The following TMEM221 variants were observed in gnomAD, a reference collection of about 807,000 sequenced individuals.
TMEM221 encodes the protein transmembrane protein 221, also known as Putative transmembrane protein ENSP00000342162.
A neutral mutation model predicts 10.2 loss-of-function variants in TMEM221; 11 were observed. That is an observed-to-expected ratio of 1.08 (90% CI 0.68 to 1.79). The LOEUF (loss-of-function observed/expected upper bound fraction) is 1.79, where lower values mean the gene tolerates loss of function less well. Among genes scored for constraint, TMEM221 ranks in the 40% most tolerant of loss-of-function variants. The probability of loss-of-function intolerance (pLI) is 0.00; values close to 1 mark genes in which losing one functional copy is unlikely to be tolerated. For synonymous variants in TMEM221, 172 were observed against 199.8 expected (o/e 0.86, Z 1.18); for missense variants, 382 against 417.7 (o/e 0.91, Z 0.75).
Position 17,448,584 on chromosome 19 carries a change from T to C in TMEM221, c.-122A>G. On this transcript the variant is annotated 5_prime_UTR_variant, in exon 1 of 3. Coordinates refer to ENST00000341130, the MANE Select transcript of TMEM221 (RefSeq NM_001190844.2). The surrounding 1 kb of genome is among the most constrained non-coding windows in gnomAD (Gnocchi z 4.7). ...CCCGAGGGGGCGGGGCCGCAGGGAG[T>C]GTCTGAAAGTTCGGGGACTGGGCTG... The C allele has an allele frequency of 7.4e-6, 5 of 673,052 alleles. No individual in the cohort carries two copies. The highest frequency in any genetic ancestry group is 1.0e-5 in the Non-Finnish European group (5 of 477,346). The allele number at this position is 673,052 out of a possible 1,614,324, so 41.7% of individuals were successfully genotyped here.
Position 17,448,244 on chromosome 19 carries a change from C to A in TMEM221, c.219G>T (p.Ala73=). Residue 73 remains alanine, a synonymous_variant, in exon 1 of 3, where the codon GCG becomes GCT. Coordinates refer to ENST00000341130, the MANE Select transcript of TMEM221 (RefSeq NM_001190844.2). This position sits in a 1 kb window ranked among gnomAD's most constrained non-coding sequence, Gnocchi z 4.7. ...AAGTLLPLAA[A]LAALVLVLGF... is the part of the protein sequence containing the mutation. ...CCAGCACGAGCACCAGCGCGGCCAG[C>A]GCGGCGGCCAGCGGCAGCAGCGTCC... 4 of 1,302,074 alleles carry A rather than the reference C, an allele frequency of 3.1e-6. No homozygotes were observed. The highest frequency in any genetic ancestry group is 2.2e-5 in the South Asian group (1 of 46,382). The allele number at this position is 1,302,074 out of a possible 1,614,324, so 80.7% of individuals were successfully genotyped here. A position where few individuals can be genotyped will look rare whatever the true frequency, so the allele number is the denominator to read the frequency against.
Position 17,436,576 on chromosome 19 carries a change from G to A in TMEM221, c.758C>T (p.Ser253Phe), listed in dbSNP as rs2074909544. The A allele has an allele frequency of 2.0e-6, 3 of 1,536,092 alleles. No individual in the cohort carries two copies. Among genetic ancestry groups the A allele is most frequent in the Admixed American group, 3.9e-5 (2 of 50,982 alleles). The change falls in exon 3 of 3, where the codon TCC (serine) becomes TTC (phenylalanine). Residue 253 changes from serine to phenylalanine, a missense_variant. Coordinates refer to ENST00000341130, the MANE Select transcript of TMEM221 (RefSeq NM_001190844.2). ...AGCCGACAGTGTCCGGTGCATTCTG[G>A]ATGCAGGCAGGCTGCTCTCCCAGCC... ...EGGWESSLPA[S>F]RMHRTLSAGL...
chr19:17,439,035 A>G (rs1043029746), intron 2 of TMEM221, among the ~76,000 whole-genome samples: 4 of 151,462 alleles, frequency 2.6e-5, no homozygotes, highest in African/African-American at 9.7e-5. Context: ...GTGAAACCTC[A>G]TCTCTGCTAA....
At position 17,448,646 on chromosome 19, in the gene TMEM221, T is replaced by G; in HGVS notation, c.-184A>C. 1 of 390,736 alleles carries G rather than the reference T, an allele frequency of 2.6e-6. No individual in the cohort carries two copies. Among genetic ancestry groups the G allele is most frequent in the Non-Finnish European group, 4.5e-6 (1 of 223,014 alleles). 24.2% of individuals were successfully genotyped at this position (390,736 alleles called of 1,614,324 possible). A position where few individuals can be genotyped will look rare whatever the true frequency, so the allele number is the denominator to read the frequency against. On this transcript the variant is annotated 5_prime_UTR_variant, in exon 1 of 3. Coordinates refer to ENST00000341130, the MANE Select transcript of TMEM221 (RefSeq NM_001190844.2). The surrounding 1 kb of genome is among the most constrained non-coding windows in gnomAD (Gnocchi z 4.7). ...ACGGACGGGGGCTCCGGGGTGCTGG[T>G]CGCAGCCGGGACGCCGAATCTCCGC...
rs1251608085 is a variant in TMEM221, at chr19:17,435,864, C to T, written c.*594G>A. ...CCTGGGCTGCTCCAAGCTTGGCACA[C>T]ATGGATTTGAAATGTTCACAGCCCG... is the stretch of plus-strand genomic sequence containing the variant. On this transcript the variant is annotated 3_prime_UTR_variant, in exon 3 of 3. Transcript: ENST00000341130. 1 of 152,318 alleles carries T rather than the reference C, an allele frequency of 6.6e-6. No individual in the cohort carries two copies. Among genetic ancestry groups the T allele is most frequent in the Non-Finnish European group, 1.5e-5 (1 of 68,136 alleles). 9.4% of individuals were successfully genotyped at this position (152,318 alleles called of 1,614,324 possible).
At position 17,448,520 on chromosome 19, in the gene TMEM221, C is replaced by T; in HGVS notation, c.-58G>A. The T allele has an allele frequency of 7.4e-7, 1 of 1,352,554 alleles. No individual in the cohort carries two copies. The highest frequency in any genetic ancestry group is 9.6e-7 in the Non-Finnish European group (1 of 1,042,478). 83.8% of individuals were successfully genotyped at this position (1,352,554 alleles called of 1,614,324 possible). A position where few individuals can be genotyped will look rare whatever the true frequency, so the allele number is the denominator to read the frequency against. ...GAGGAATTGAAGTGGTTTTAGAGGG[C>T]AGGGGAGTTGGGGGGAATCCGAGGG... On this transcript the variant is annotated 5_prime_UTR_variant, in exon 1 of 3. Transcript: ENST00000341130. This position sits in a 1 kb window ranked among gnomAD's most constrained non-coding sequence, Gnocchi z 4.7.
chr19:17,448,224 A>G lies in TMEM221; in HGVS notation c.239T>C (p.Val80Ala). The G allele has an allele frequency of 7.3e-7, 1 of 1,374,908 alleles. No homozygotes were observed. 85.2% of individuals were successfully genotyped at this position (1,374,908 alleles called of 1,614,324 possible). A position where few individuals can be genotyped will look rare whatever the true frequency, so the allele number is the denominator to read the frequency against. ...GAGCAGCAAGCAGGTGAACCCCAGC[A>G]CGAGCACCAGCGCGGCCAGCGCGGC... ...LAAALAALVL[V>A]LGFTCLLLAA... The change falls in exon 1 of 3, where the codon GTG becomes GCG. Residue 80 changes from valine (V) to alanine (A), a missense_variant. Transcript: ENST00000341130. The surrounding 1 kb of genome is among the most constrained non-coding windows in gnomAD (Gnocchi z 4.7).
intron 2 of TMEM221, among the ~76,000 whole-genome samples, chr19:17,442,315 TG>T (rs2074934925): frequency 6.6e-6 from 1 of 151,856 alleles, no homozygotes; most frequent in South Asian, 2.1e-4. Context: ...GGCTGTGCAA[TG>T]GCACAATCTC....
chr19:17,448,592 A>T lies in TMEM221; in HGVS notation c.-130T>A. On this transcript the variant is annotated 5_prime_UTR_variant, in exon 1 of 3. Transcript: ENST00000341130. This position sits in a 1 kb window ranked among gnomAD's most constrained non-coding sequence, Gnocchi z 4.7. ...GGCGGGGCCGCAGGGAGTGTCTGAA[A>T]GTTCGGGGACTGGGCTGGGGGTCGC... 2 of 610,794 alleles carry T rather than the reference A, an allele frequency of 3.3e-6. No individual in the cohort carries two copies. Among genetic ancestry groups the T allele is most frequent in the East Asian group, 4.0e-5 (1 of 24,996 alleles). The allele number at this position is 610,794 out of a possible 1,614,324, so 37.8% of individuals were successfully genotyped here.
At position 17,436,650 on chromosome 19, in the gene TMEM221, G is replaced by T; in HGVS notation, c.684C>A (p.Asp228Glu). The T allele has an allele frequency of 6.5e-7, 1 of 1,536,024 alleles. No homozygotes were observed. The highest frequency in any genetic ancestry group is 8.7e-7 in the Non-Finnish European group (1 of 1,146,850). The stretch of plus-strand genomic sequence containing the variant: ...TGGCAGTGGCCATGGACCCAAAGGG[G>T]TCCCCAGGCTCTGGACAGGTTGAAT... ...TPYSTCPEPGDPFGSMATATA... is the reference protein window; with the variant it reads ...TPYSTCPEPGEPFGSMATATA... Residue 228 changes from aspartate (D) to glutamate (E), a missense_variant, in exon 3 of 3, where the codon GAC (aspartate) becomes GAA (glutamate). Transcript: ENST00000341130.
intron 1 of TMEM221, among the ~76,000 whole-genome samples, chr19:17,446,194 A>G (rs1426013116): frequency 7.4e-6 from 1 of 135,308 alleles, no homozygotes; most frequent in Non-Finnish European, 1.7e-5. Flanking sequence ...TCATCCATCC[A>G]TCCATCCATC....
chr19:17,448,482 C>T lies in TMEM221; in HGVS notation c.-20G>A. On this transcript the variant is annotated 5_prime_UTR_variant, in exon 1 of 3. Transcript: ENST00000341130. The surrounding 1 kb of genome is among the most constrained non-coding windows in gnomAD (Gnocchi z 4.7). The stretch of plus-strand genomic sequence containing the variant: ...GGCCATGGCGGGGGTTCCTGCGGGC[C>T]GGGGGAAGAGTTGAGGAATTGAAGT... 1.4e-6 allele frequency: 2 copies of T among 1,447,402 alleles called. No individual in the cohort carries two copies. The highest frequency in any genetic ancestry group is 1.8e-6 in the Non-Finnish European group (2 of 1,102,944). 89.7% of individuals were successfully genotyped at this position (1,447,402 alleles called of 1,614,324 possible). A position where few individuals can be genotyped will look rare whatever the true frequency, so the allele number is the denominator to read the frequency against.
At chr19:17,440,638 G>C (rs1331566563) in intron 2 of TMEM221, among the ~76,000 whole-genome samples, 1 of 152,114 alleles carries the variant, frequency 6.6e-6, no homozygotes, top group African/African-American at 2.4e-5. Context: ...ACTGAGGCAG[G>C]AGGATTGCTT....
At chr19:17,447,909 G>A (rs1419459639) in intron 1 of TMEM221, among the ~76,000 whole-genome samples, 3 of 152,206 alleles carry the variant, frequency 2.0e-5, no homozygotes, top group African/African-American at 2.4e-5. Context: ...TCTGCAAAAT[G>A]CGAGACACAG....
At chr19:17,440,002 G>T (rs2074925342) in intron 2 of TMEM221, among the ~76,000 whole-genome samples, 2 of 152,008 alleles carry the variant, frequency 1.3e-5, no homozygotes, top group Admixed American at 6.6e-5. Context: ...CAGCTCAGGT[G>T]ACATAGGGAG....
chr19:17,448,225 C>A lies in TMEM221; in HGVS notation c.238G>T (p.Val80Leu), dbSNP rs780430984. 3 of 1,363,710 alleles carry A rather than the reference C, an allele frequency of 2.2e-6. No homozygotes were observed. Among genetic ancestry groups the A allele is most frequent in the Non-Finnish European group, 2.8e-6 (3 of 1,058,420 alleles). 84.5% of individuals were successfully genotyped at this position (1,363,710 alleles called of 1,614,324 possible). A position where few individuals can be genotyped will look rare whatever the true frequency, so the allele number is the denominator to read the frequency against. Residue 80 changes from valine to leucine, a missense_variant, in exon 1 of 3, where the codon GTG becomes TTG. By Grantham distance (32) the Val-to-Leu change is conservative (BLOSUM62 1). Coordinates refer to ENST00000341130, the MANE Select transcript of TMEM221 (RefSeq NM_001190844.2). This position sits in a 1 kb window ranked among gnomAD's most constrained non-coding sequence, Gnocchi z 4.7. ...AGCAGCAAGCAGGTGAACCCCAGCA[C>A]GAGCACCAGCGCGGCCAGCGCGGCG... Reference protein sequence around the residue: ...LAAALAALVLVLGFTCLLLAA... With the variant: ...LAAALAALVLLLGFTCLLLAA...
rs949510720 is a variant in TMEM221 at position 17,436,684 on chromosome 19, C to T, written c.650G>A (p.Arg217Gln). The change falls in exon 3 of 3, where the codon CGG (arginine) becomes CAG (glutamine). Residue 217 changes from arginine (R) to glutamine (Q), a missense_variant. Transcript: ENST00000341130. ...CTCTGGACAGGTTGAATAGGGGGTCCGACGATGGATACCCTGCTGAGGCTG... is the reference window on the plus strand; with the variant it reads ...CTCTGGACAGGTTGAATAGGGGGTCTGACGATGGATACCCTGCTGAGGCTG... ...RAQPQQGIHR[R>Q]TPYSTCPEPG... is the part of the protein sequence containing the mutation. The T allele has an allele frequency of 5.3e-5, 81 of 1,534,754 alleles. No homozygotes were observed. Among genetic ancestry groups the T allele is most frequent in the Middle Eastern group, 1.7e-4 (1 of 6,008 alleles).
Position 17,448,561 on chromosome 19 carries a change from C to CG in TMEM221, c.-100dup. ...AATCCGAGGGTCCTCAGGGGGTCCC[C>CG]GAGGGGGCGGGGCCGCAGGGAGTGT... On this transcript the variant is annotated 5_prime_UTR_variant, in exon 1 of 3. Transcript: ENST00000341130. This position sits in a 1 kb window ranked among gnomAD's most constrained non-coding sequence, Gnocchi z 4.7. The CG allele has an allele frequency of 1.2e-6, 1 of 830,114 alleles. No homozygotes were observed. The highest frequency in any genetic ancestry group is 1.6e-6 in the Non-Finnish European group (1 of 637,244). 51.4% of individuals were successfully genotyped at this position (830,114 alleles called of 1,614,324 possible). A position where few individuals can be genotyped will look rare whatever the true frequency, so the allele number is the denominator to read the frequency against.
Position 17,448,456 on chromosome 19 carries a change from G to A in TMEM221, c.7C>T (p.Arg3Cys). Residue 3 changes from arginine to cysteine, a missense_variant, in exon 1 of 3, where the codon CGT becomes TGT. Physicochemically the swap from Arg to Cys is radical, Grantham distance 180. Coordinates refer to ENST00000341130, the MANE Select transcript of TMEM221 (RefSeq NM_001190844.2). This position sits in a 1 kb window ranked among gnomAD's most constrained non-coding sequence, Gnocchi z 4.7. Reference sequence around the variant, plus strand: ...GCCAGCACCCGGCCGCCGTAAGAACGGGCCATGGCGGGGGTTCCTGCGGGC... The same window carrying A: ...GCCAGCACCCGGCCGCCGTAAGAACAGGCCATGGCGGGGGTTCCTGCGGGC... MA[R>C]SYGGRVLAAM... 1 of 1,473,576 alleles carries A rather than the reference G, an allele frequency of 6.8e-7. No homozygotes were observed. Among genetic ancestry groups the A allele is most frequent in the Non-Finnish European group, 8.9e-7 (1 of 1,117,830 alleles). The allele number at this position is 1,473,576 out of a possible 1,614,324, so 91.3% of individuals were successfully genotyped here.
Sources: allele counts gnomAD v4.1 joint callset (sites outside exome capture counted in the v4.1 genomes callset), GRCh38; gene constraint gnomAD v4.1.1; non-coding constraint Gnocchi (gnomAD v3.1); transcripts MANE v1.5; gene names NCBI Gene and HGNC (gene_info 2026-07-23, HGNC 2026-07-21).